The following MAST4 variants were observed in gnomAD, a reference collection of about 807,000 sequenced individuals.
MAST4 encodes the protein microtubule-associated serine/threonine-protein kinase 4.
A neutral mutation model predicts 162.7 loss-of-function variants in MAST4; 89 were observed. That is an observed-to-expected ratio of 0.55 (90% CI 0.46 to 0.65). The LOEUF is 0.65. Ranked by LOEUF, MAST4 falls within the 30% of genes least tolerant of loss-of-function variation. The pLI, the probability that MAST4 is intolerant of heterozygous loss-of-function variation, is 0.00. For missense variants in MAST4, 3,153 were observed against 3,374.0 expected (o/e 0.93, Z 1.62); for synonymous variants, 1,479 against 1,361.1 (o/e 1.09, Z -1.91).
At chr5:66,897,076 A>G (rs1201070323) in intron 3 of MAST4, among the ~76,000 whole-genome samples, 1 of 152,254 alleles carries the variant, frequency 6.6e-6, no homozygotes, top group Non-Finnish European at 1.5e-5. Flanking sequence ...ATGAAAATCT[A>G]GAAATTTTTA....
chr5:67,095,943 A>G lies in MAST4; in HGVS notation c.912+268A>G, dbSNP rs531126829. On this transcript the variant is annotated intron_variant, in intron 7 of 28. Transcript: ENST00000403625. ...AACTGGAAGCTTTCATTTTAATAAC[A>G]TTTGGTGTAGTTCGGGGGGAAAAAC... 1.3e-3 allele frequency among the ~76,000 whole-genome samples: 193 copies of G among 152,260 alleles called. 2 individuals are homozygous for G. Among genetic ancestry groups the G allele is most frequent in the Non-Finnish European group, 2.4e-3 (161 of 68,008 alleles).
chr5:67,068,857 T>C (rs1760559842), intron 5 of MAST4, among the ~76,000 whole-genome samples: 1 of 151,966 alleles, frequency 6.6e-6, no homozygotes, highest in Non-Finnish European at 1.5e-5. Flanking sequence ...AGCTAACAGG[T>C]CTCATGCAAC....
In MAST4 at chr5:66,645,324, T is replaced by C. The variant is rs188767499; in HGVS notation, c.363+48306T>C. Among the ~76,000 whole-genome samples, 12 of 152,340 alleles carry C rather than the reference T, an allele frequency of 7.9e-5. No individual in the cohort carries two copies. In the South Asian group the frequency reaches 1.2e-3, roughly 16 times the overall value. ...GTTTGCATAGGCACACTGATTCTTA[T>C]AGACAGTTATCTAAAACGTGGCATT... is the stretch of plus-strand genomic sequence containing the variant. On this transcript the variant is annotated intron_variant, in intron 1 of 28. Transcript: ENST00000403625.
intron 4 of MAST4, chr5:67,002,199 C>T (rs532473136): frequency 6.6e-6 from 1 of 152,296 alleles, no homozygotes; most frequent in East Asian, 1.9e-4. Flanking sequence ...TTTCCAGCTA[C>T]ATGATATAGA....
At chr5:67,130,731 T>C (rs1768866074) in intron 15 of MAST4, among the ~76,000 whole-genome samples, 1 of 152,196 alleles carries the variant, frequency 6.6e-6, no homozygotes, top group Non-Finnish European at 1.5e-5. Flanking sequence ...CTGCTTATTT[T>C]TATTACATAT....
At chr5:67,065,352 C>T (rs1366253098) in intron 5 of MAST4, among the ~76,000 whole-genome samples, 13 of 152,162 alleles carry the variant, frequency 8.5e-5, no homozygotes, top group African/African-American at 1.7e-4. Flanking sequence ...CTAGCTCACT[C>T]GTCAGCAGTT....
intron 4 of MAST4, among the ~76,000 whole-genome samples, chr5:66,979,858 T>C (rs543087418): frequency 5.9e-5 from 9 of 152,368 alleles, no homozygotes; most frequent in African/African-American, 2.2e-4. Flanking sequence ...GTAATTCACA[T>C]GTGTATAGAA....
intron 1 of MAST4, among the ~76,000 whole-genome samples, chr5:66,736,410 G>A (rs1200682510): frequency 6.6e-6 from 1 of 150,544 alleles, no homozygotes; most frequent in Non-Finnish European, 1.5e-5. Context: ...CACAACTGGA[G>A]CTGTAGGTTG....
chr5:66,914,985 C>T (rs532292346), intron 4 of MAST4, among the ~76,000 whole-genome samples: 7 of 151,950 alleles, frequency 4.6e-5, no homozygotes, highest in South Asian at 2.1e-4. Context: ...GGTAGAGGCC[C>T]GGCGAGGTGG....
intron 1 of MAST4, chr5:66,623,234 A>T (rs1268236155): frequency 6.6e-6 from 1 of 152,240 alleles, no homozygotes; most frequent in African/African-American, 2.4e-5. Flanking sequence ...ACTAATACCA[A>T]GCCCTCTTAA....
At chr5:66,861,778 A>C (rs1760135206) in intron 3 of MAST4, among the ~76,000 whole-genome samples, 1 of 152,202 alleles carries the variant, frequency 6.6e-6, no homozygotes, top group African/African-American at 2.4e-5. Context: ...AATAAGAGGG[A>C]GGGATAAGAT....
At chr5:66,666,910 T>A (rs1308494780) in intron 1 of MAST4, among the ~76,000 whole-genome samples, 1 of 152,136 alleles carries the variant, frequency 6.6e-6, no homozygotes, top group African/African-American at 2.4e-5. Flanking sequence ...AGGGTAAGAA[T>A]AAGGGTTGGT....
intron 14 of MAST4, among the ~76,000 whole-genome samples, chr5:67,127,804 A>G (rs952140681): frequency 6.6e-6 from 1 of 152,224 alleles, no homozygotes; most frequent in African/African-American, 2.4e-5. Context: ...TACAAAAAGA[A>G]CTAGTAGTTG....
At chr5:67,102,771 A>C (rs1268229140) in intron 9 of MAST4, among the ~76,000 whole-genome samples, 160 bp downstream of exon 9, 2 of 152,246 alleles carry the variant, frequency 1.3e-5, no homozygotes, top group Admixed American at 6.5e-5. Context: ...TAACTAAAAA[A>C]AAATGTTAAG....
At chr5:66,748,616 G>A (rs1752941331) in intron 1 of MAST4, among the ~76,000 whole-genome samples, 1 of 151,326 alleles carries the variant, frequency 6.6e-6, no homozygotes. Flanking sequence ...AGCCTCCCAA[G>A]TAGTTGAGGA....
chr5:66,800,843 T>G (rs957695340), intron 3 of MAST4, among the ~76,000 whole-genome samples: 1 of 152,144 alleles, frequency 6.6e-6, no homozygotes, highest in African/African-American at 2.4e-5. Context: ...GTATAAAAAA[T>G]ATGAGTTGTA....
Position 67,080,172 on chromosome 5 carries a change from C to T in MAST4, c.764-9990C>T, listed in dbSNP as rs146676961. ...ACTGCCAAGATCACTTGAAGGAAGC[C>T]CCGGGTATCATTTGTCTTTGACTTT... On this transcript the variant is annotated intron_variant, in intron 5 of 28. Transcript: ENST00000403625. Among the ~76,000 whole-genome samples, 916 of 152,246 alleles carry T rather than the reference C, an allele frequency of 6.0e-3. 11 individuals are homozygous for T. The highest frequency in any genetic ancestry group is 0.021 in the African/African-American group (865 of 41,548).
chr5:66,887,414 G>A (rs1443018687), intron 3 of MAST4, among the ~76,000 whole-genome samples: 1 of 152,178 alleles, frequency 6.6e-6, no homozygotes, highest in Non-Finnish European at 1.5e-5. Flanking sequence ...TTTAGTACTA[G>A]CATTAGCTAG....
intron 1 of MAST4, among the ~76,000 whole-genome samples, chr5:66,620,082 G>A (rs1743978076): frequency 6.8e-6 from 1 of 146,702 alleles, no homozygotes; most frequent in South Asian, 2.2e-4. Flanking sequence ...AGTAAGGAAA[G>A]GGATAGTACT....
Sources: allele counts gnomAD v4.1 joint callset (sites outside exome capture counted in the v4.1 genomes callset), GRCh38; gene constraint gnomAD v4.1.1; transcripts MANE v1.5; gene names NCBI Gene and HGNC (gene_info 2026-07-23, HGNC 2026-07-21).